The following CHST8 variants were observed in gnomAD, a reference collection of about 807,000 sequenced individuals.
CHST8 encodes the protein carbohydrate sulfotransferase 8.
Under a neutral mutation model 15.0 loss-of-function variants are expected in CHST8, and 10 were observed. That is an observed-to-expected ratio of 0.67 (90% CI 0.41 to 1.13). CHST8 has a LOEUF of 1.13. Ranked by LOEUF, CHST8 falls within the 50% of genes most tolerant of loss-of-function variation. The pLI is 0.00. For synonymous variants in CHST8, 259 were observed against 256.6 expected (o/e 1.01, Z -0.09); for missense variants, 634 against 608.2 (o/e 1.04, Z -0.45).
chr19:33,771,818 G>GCTC, intron 4 of CHST8, 139 bp from the exon 5 acceptor site: 1 of 1,017,760 alleles, frequency 9.8e-7, no homozygotes, highest in Non-Finnish European at 1.4e-6. Flanking sequence ...CAGACCGGAG[G>GCTC]GGTCTCACCT....
At position 33,773,132 on chromosome 19, in the gene CHST8, C is replaced by T. The variant is rs1435826520; in HGVS notation, c.*69C>T. ...CCTGTGCTCCCGGGCATCCTCCTGT[C>T]CCTGGCTCCTCATCCTGGGAGCAAC... On this transcript the variant is annotated 3_prime_UTR_variant, in exon 5 of 5. Transcript: ENST00000650847. 1.5e-5 allele frequency: 22 copies of T among 1,469,616 alleles called. No homozygotes were observed. Among genetic ancestry groups the T allele is most frequent in the Non-Finnish European group, 1.9e-5 (21 of 1,104,952 alleles). The allele number at this position is 1,469,616 out of a possible 1,614,324, so 91.0% of individuals were successfully genotyped here.
At chr19:33,767,769 G>T (rs893392102) in intron 3 of CHST8, among the ~76,000 whole-genome samples, 1 of 152,180 alleles carries the variant, frequency 6.6e-6, no homozygotes. Context: ...GGATTCTGTC[G>T]CAGGGGTGGA....
chr19:33,651,668 T>G (rs954202028), intron 1 of CHST8, among the ~76,000 whole-genome samples: 7 of 152,332 alleles, frequency 4.6e-5, no homozygotes, highest in Admixed American at 4.6e-4. Context: ...ATGCAAACAC[T>G]TCAAGAGCAT....
At chr19:33,622,669 A>G (rs1423132188) in intron 1 of CHST8, among the ~76,000 whole-genome samples, 1 of 151,944 alleles carries the variant, frequency 6.6e-6, no homozygotes, top group African/African-American at 2.4e-5. Context: ...GCGAGCGCCG[A>G]GGGCCAGGCA....
At chr19:33,673,563 C>T (rs1021363831) in intron 2 of CHST8, among the ~76,000 whole-genome samples, 1 of 152,130 alleles carries the variant, frequency 6.6e-6, no homozygotes, top group African/African-American at 2.4e-5. Flanking sequence ...GCACTCCTTG[C>T]ACAGTGGCCA....
At chr19:33,685,064 C>G (rs1412879712) in intron 2 of CHST8, 1 of 152,206 alleles carries the variant, frequency 6.6e-6, no homozygotes, top group Non-Finnish European at 1.5e-5. Context: ...GAGCCAGGCA[C>G]AGGGACAGGT....
chr19:33,655,156 C>T (rs1446087984), intron 1 of CHST8, among the ~76,000 whole-genome samples: 1 of 152,118 alleles, frequency 6.6e-6, no homozygotes. Context: ...CATGCCTCAG[C>T]CTCCTGAGTA....
intron 1 of CHST8, among the ~76,000 whole-genome samples, chr19:33,644,364 G>A (rs144999217): frequency 1.3e-3 from 202 of 152,286 alleles, no homozygotes; most frequent in African/African-American, 4.5e-3. Context: ...ACAGCAGGAC[G>A]TGAAGCAGAG....
chr19:33,628,244 G>A (rs964868927), intron 1 of CHST8, among the ~76,000 whole-genome samples: 1 of 152,220 alleles, frequency 6.6e-6, no homozygotes, highest in African/African-American at 2.4e-5. Flanking sequence ...GGCATGAGGA[G>A]CACCATCTGG....
intron 3 of CHST8, among the ~76,000 whole-genome samples, chr19:33,690,436 C>T (rs1973079720): frequency 6.6e-6 from 1 of 152,166 alleles, no homozygotes; most frequent in Non-Finnish European, 1.5e-5. Flanking sequence ...GGACGAGCAC[C>T]CATGATGTGT....
intron 1 of CHST8, among the ~76,000 whole-genome samples, chr19:33,644,659 C>T (rs1006085896): frequency 2.0e-5 from 3 of 151,976 alleles, no homozygotes; most frequent in Admixed American, 6.6e-5. Context: ...GAGGATCAGT[C>T]GATTCCAGGA....
chr19:33,670,561 G>C (rs750918441), intron 2 of CHST8, among the ~76,000 whole-genome samples: 2 of 152,172 alleles, frequency 1.3e-5, no homozygotes, highest in Non-Finnish European at 2.9e-5. Context: ...TGCCAAGATC[G>C]GCTGCTCATT....
chr19:33,772,056 C>A lies in CHST8; in HGVS notation c.268C>A (p.Pro90Thr), dbSNP rs1263232374. Residue 90 changes from proline (P) to threonine (T), a missense_variant, in exon 5 of 5, where the codon CCA (proline) becomes ACA (threonine). By Grantham distance (38) the Pro-to-Thr change is conservative. Coordinates refer to ENST00000650847, the MANE Select transcript of CHST8 (RefSeq NM_001127895.2). ...SSGAPRGRNL[P>T]APDQPQPPLQ... ...TGGGGCCCCGAGGGGCCGCAACCTG[C>A]CAGCGCCTGACCAGCCTCAACCCCC... 2 of 1,612,436 alleles carry A rather than the reference C, an allele frequency of 1.2e-6. No homozygotes were observed. The highest frequency in any genetic ancestry group is 1.7e-4 in the Middle Eastern group (1 of 6,058).
intron 3 of CHST8, among the ~76,000 whole-genome samples, chr19:33,723,454 C>T (rs936864524): frequency 1.3e-5 from 2 of 152,194 alleles, no homozygotes; most frequent in Non-Finnish European, 1.5e-5. Flanking sequence ...CCCTTGGTTA[C>T]CCTTGAGTCC....
chr19:33,657,156 C>A (rs78264430), intron 1 of CHST8, among the ~76,000 whole-genome samples: 13 of 146,394 alleles, frequency 8.9e-5, no homozygotes, highest in South Asian at 2.1e-4. Flanking sequence ...CACACACACA[C>A]AAACACACAT....
chr19:33,682,181 G>GTTTTTT (rs1568325310), intron 2 of CHST8, among the ~76,000 whole-genome samples: 1 of 129,694 alleles, frequency 7.7e-6, no homozygotes, highest in African/African-American at 3.1e-5. Flanking sequence ...TGTGGTTTTT[G>GTTTTTT]TTGTTGTTTT....
At chr19:33,743,635 G>T (rs186810711) in intron 3 of CHST8, among the ~76,000 whole-genome samples, 1 of 152,066 alleles carries the variant, frequency 6.6e-6, no homozygotes, top group Non-Finnish European at 1.5e-5. Flanking sequence ...GCTTCATTGA[G>T]TGTGGGCATT....
At chr19:33,625,025 T>TG (rs1239892470) in intron 1 of CHST8, among the ~76,000 whole-genome samples, 4 of 151,942 alleles carry the variant, frequency 2.6e-5, no homozygotes, top group African/African-American at 9.7e-5. Flanking sequence ...TGGAGAAACG[T>TG]GGGGCAGCGG....
intron 1 of CHST8, among the ~76,000 whole-genome samples, chr19:33,644,086 C>T (rs1032270927): frequency 1.3e-5 from 2 of 152,138 alleles, no homozygotes; most frequent in African/African-American, 4.8e-5. Flanking sequence ...GCACCTGCCA[C>T]CACACCTGGC....
Sources: allele counts gnomAD v4.1 joint callset (sites outside exome capture counted in the v4.1 genomes callset), GRCh38; gene constraint gnomAD v4.1.1; transcripts MANE v1.5; gene names NCBI Gene and HGNC (gene_info 2026-07-23, HGNC 2026-07-21).